Variants in COL6A5 observed in about 807,000 individuals in gnomAD.
COL6A5 encodes collagen alpha-5(VI) chain.
COL6A5 carries 48 observed loss-of-function variants against 65.6 expected under a neutral mutation model. The observed-to-expected ratio is 0.73, with a 90% CI of 0.58 to 0.93. The LOEUF (loss-of-function observed/expected upper bound fraction) is 0.93, where lower values mean the gene tolerates loss of function less well. Among genes scored for constraint, COL6A5 ranks in the 40% least tolerant of loss-of-function variants. The pLI, the probability that COL6A5 is intolerant of heterozygous loss-of-function variation, is 0.00. For missense variants in COL6A5, 914 were observed against 928.3 expected (o/e 0.98, Z 0.20); for synonymous variants, 291 against 322.8 (o/e 0.90, Z 1.05).
chr3:130,352,418 T>A (rs1934756426), intron 1 of COL6A5, among the ~76,000 whole-genome samples: 1 of 151,854 alleles, frequency 6.6e-6, no homozygotes, highest in Non-Finnish European at 1.5e-5. Flanking sequence ...AATAACAAGC[T>A]TATTGGCAAC....
At chr3:130,416,810 G>A in exon 24 of COL6A5, 1 of 1,501,544 alleles carries the variant, frequency 6.7e-7, no homozygotes, top group Non-Finnish European at 9.0e-7. Context: ...CTGGACTTTT[G>A]GGGAAAAAAG....
chr3:130,378,130 G>A (rs975035436), intron 3 of COL6A5, among the ~76,000 whole-genome samples: 2 of 151,930 alleles, frequency 1.3e-5, no homozygotes, highest in African/African-American at 4.8e-5. Flanking sequence ...ATGTGAATAC[G>A]GTGTACTTTC....
Position 130,406,183 on chromosome 3 carries a change from A to G in COL6A5, c.4425+8A>G. ...GGACTTGATGGGGAAGAGGTAAGCC[A>G]TATTTCTTCAAGTATCATAAAACTG... On this transcript the variant is annotated splice_region_variant and intron_variant and NMD_transcript_variant, in intron 16 of 41. Coordinates refer to the COL6A5 transcript ENST00000312481. 1 of 1,550,410 alleles carries G rather than the reference A, an allele frequency of 6.4e-7. No individual in the cohort carries two copies.
At chr3:130,426,481 G>A, upstream of COL6A5, 1 of 1,395,070 alleles carries the variant, frequency 7.2e-7, no homozygotes, top group Admixed American at 2.0e-5. Flanking sequence ...GTGGGTATGT[G>A]AGATCAGTAG....
chr3:130,476,874 T>G lies in COL6A5; in HGVS notation c.2328+5907T>G, dbSNP rs897374950. 27 of 687,358 alleles carry G rather than the reference T, an allele frequency of 3.9e-5. No individual in the cohort carries two copies. The Admixed American group carries it at 4.8e-4, about 12-fold the overall frequency. 42.6% of individuals were successfully genotyped at this position (687,358 alleles called of 1,614,324 possible). A position where few individuals can be genotyped will look rare whatever the true frequency, so the allele number is the denominator to read the frequency against. On this transcript the variant is annotated intron_variant, in intron 7 of 7. Transcript: ENST00000512836. ...AAATAAATGATGTCTTTAATTCTTT[T>G]TCTCACAGATCTCTAGCCAGCAGCT...
chr3:130,395,479 G>GTTTGGT lies in COL6A5; in HGVS notation c.3568+18_3568+23dup. ...GTGGGAAAACCAGTAAGTGCTTCTT[G>GTTTGGT]TTTGGTTTTCTTCCATGGAAACTTC... is the stretch of plus-strand genomic sequence containing the variant. On this transcript the variant is annotated intron_variant and NMD_transcript_variant, in intron 8 of 41. Transcript: ENST00000312481. The GTTTGGT allele has an allele frequency of 6.6e-7, 1 of 1,526,160 alleles. No individual in the cohort carries two copies. Among genetic ancestry groups the GTTTGGT allele is most frequent in the South Asian group, 1.3e-5 (1 of 79,302 alleles). The allele number at this position is 1,526,160 out of a possible 1,614,324, so 94.5% of individuals were successfully genotyped here.
At chr3:130,439,579 A>G in exon 2 of COL6A5, 1 of 1,551,282 alleles carries the variant, frequency 6.4e-7, no homozygotes, top group African/African-American at 1.4e-5. Context: ...GGAAAATCAA[A>G]CATTAGAAAG....
chr3:130,452,591 A>C (rs762651568), intron 4 of COL6A5, among the ~76,000 whole-genome samples: 23 of 152,168 alleles, frequency 1.5e-4, no homozygotes, highest in Non-Finnish European at 2.5e-4. Flanking sequence ...AAGGTAATAG[A>C]ATATCACAAG....
At chr3:130,440,359 G>A in exon 3 of COL6A5, 2 of 1,613,452 alleles carry the variant, frequency 1.2e-6, no homozygotes, top group Non-Finnish European at 1.7e-6. Context: ...CTGGTGATAG[G>A]ATTGCTTTGT....
intron 4 of COL6A5, among the ~76,000 whole-genome samples, chr3:130,449,725 A>G (rs1709386182): frequency 1.3e-5 from 2 of 152,152 alleles, no homozygotes; most frequent in African/African-American, 2.4e-5. Context: ...AGCCCATCCC[A>G]GGGCCACGTG....
At chr3:130,410,591 A>G (rs916455452) in intron 20 of COL6A5, 67 bp downstream of exon 20, 8 of 1,352,110 alleles carry the variant, frequency 5.9e-6, no homozygotes, top group Non-Finnish European at 8.3e-6. Context: ...CATTCAGAAT[A>G]TTTGTTGTGC....
upstream of COL6A5, chr3:130,431,259 A>G (rs1190647799): frequency 7.1e-6 from 5 of 700,772 alleles, no homozygotes; most frequent in Non-Finnish European, 1.3e-5. Context: ...ATATAGCCAA[A>G]TATTCATGCT....
At chr3:130,447,745 T>C (rs1446454583) in intron 4 of COL6A5, among the ~76,000 whole-genome samples, 4 of 152,282 alleles carry the variant, frequency 2.6e-5, no homozygotes, top group African/African-American at 9.6e-5. Context: ...GGGGAAATCC[T>C]GTAAGGCAGT....
chr3:130,452,276 GA>G (rs1216234398), intron 4 of COL6A5, among the ~76,000 whole-genome samples: 6 of 152,116 alleles, frequency 3.9e-5, no homozygotes, highest in Non-Finnish European at 1.5e-5. Flanking sequence ...ATGCACTTAG[GA>G]AAAAAGAAAG....
chr3:130,482,301 G>C (rs558990891), intron 7 of COL6A5, among the ~76,000 whole-genome samples: 2 of 152,174 alleles, frequency 1.3e-5, no homozygotes, highest in South Asian at 2.1e-4. Context: ...ACGAATAGGA[G>C]ATCCTTTCCC....
chr3:130,401,454 G>A (rs897314355), intron 11 of COL6A5, among the ~76,000 whole-genome samples: 6 of 152,166 alleles, frequency 3.9e-5, no homozygotes, highest in African/African-American at 1.4e-4. Context: ...AGAAATTCCA[G>A]GAAACAGAAG....
At chr3:130,484,537 C>T in exon 8 of COL6A5, 2 of 399,022 alleles carry the variant, frequency 5.0e-6, no homozygotes, top group Admixed American at 8.8e-5. Flanking sequence ...TTTCATCTAG[C>T]AGTGATTGTC....
chr3:130,462,152 G>A (rs961254111), intron 5 of COL6A5, among the ~76,000 whole-genome samples: 1 of 152,036 alleles, frequency 6.6e-6, no homozygotes, highest in African/African-American at 2.4e-5. Context: ...GCATAAAATC[G>A]ATGACATCCA....
rs2107669666 is a variant in COL6A5 at position 130,406,339 on chromosome 3, A to G, written c.4479+18A>G. 2 of 1,535,290 alleles carry G rather than the reference A, an allele frequency of 1.3e-6. No homozygotes were observed. The highest frequency in any genetic ancestry group is 8.8e-7 in the Non-Finnish European group (1 of 1,132,614). On this transcript the variant is annotated intron_variant and NMD_transcript_variant, in intron 17 of 41. Transcript: ENST00000312481. ...GATCTCAGGTAACACTTTTCTTTTC[A>G]ATACTTCAAAGAAGGAGAATTTGGT...
Sources: gnomAD v4.1 joint callset for allele counts (sites outside exome capture counted in the v4.1 genomes callset) on GRCh38, gnomAD v4.1.1 for gene constraint, MANE v1.5 for transcripts, NCBI Gene and HGNC (gene_info 2026-07-23, HGNC 2026-07-21) for gene names.